Variants in FARP1 observed in about 807,000 individuals in gnomAD.
FARP1 encodes the protein FERM, ARH/RhoGEF and pleckstrin domain protein 1.
Under a neutral mutation model 128.8 loss-of-function variants are expected in FARP1, and 52 were observed. That is an observed-to-expected ratio of 0.40 (90% CI 0.32 to 0.51). FARP1 has a LOEUF of 0.51. FARP1 is among the 20% of genes least tolerant of loss of function. The probability of loss-of-function intolerance (pLI) is 0.45; values close to 1 mark genes in which losing one functional copy is unlikely to be tolerated. For missense variants in FARP1, 1,333 were observed against 1,367.9 expected (o/e 0.97, Z 0.40); for synonymous variants, 580 against 551.8 (o/e 1.05, Z -0.72).
In FARP1 at chr13:98,437,829, C is replaced by T. The variant is rs1182360692; in HGVS notation, c.2275-975C>T. The T allele has an allele frequency of 1.3e-5, 20 of 1,597,516 alleles. No homozygotes were observed. The East Asian group carries it at 4.2e-4, about 34-fold the overall frequency. ...ACAAGCCAGGCGCATCCCATGTGCT[C>T]CAGAGAGGAGGCCATTGTTATTAGT... On this transcript the variant is annotated intron_variant, in intron 19 of 26. Coordinates refer to ENST00000319562, the MANE Select transcript of FARP1 (RefSeq NM_005766.4).
chr13:98,318,407 C>T (rs1031549516), intron 2 of FARP1, among the ~76,000 whole-genome samples: 3 of 152,300 alleles, frequency 2.0e-5, no homozygotes, highest in East Asian at 1.9e-4. Context: ...GGCATCGTTA[C>T]GACCTCATTT....
chr13:98,366,276 C>G (rs150971334), intron 4 of FARP1, among the ~76,000 whole-genome samples: 3 of 152,188 alleles, frequency 2.0e-5, no homozygotes, highest in African/African-American at 7.2e-5. Context: ...GTAATAAACA[C>G]GCAGCACAAT....
At chr13:98,210,642 C>T (rs187378941) in intron 1 of FARP1, among the ~76,000 whole-genome samples, 1,531 of 152,078 alleles carry the variant, frequency 0.01, 24 homozygotes, top group African/African-American at 0.034. Context: ...CTCCGCCTTC[C>T]GGGTTCACGC....
intron 1 of FARP1, among the ~76,000 whole-genome samples, chr13:98,182,951 T>C (rs761039460): frequency 1.1e-4 from 17 of 152,256 alleles, no homozygotes; most frequent in Non-Finnish European, 2.2e-4. Flanking sequence ...TGCTTGGGCA[T>C]TGGCTGTTTT....
At chr13:98,253,853 A>AATTTC (rs1184911878) in intron 2 of FARP1, among the ~76,000 whole-genome samples, 1 of 152,148 alleles carries the variant, frequency 6.6e-6, no homozygotes, top group Non-Finnish European at 1.5e-5. Context: ...GTGGAGGCAG[A>AATTTC]ATTTCTGGGT....
At chr13:98,268,888 TA>T (rs902797841) in intron 2 of FARP1, among the ~76,000 whole-genome samples, 2 of 151,966 alleles carry the variant, frequency 1.3e-5, no homozygotes, top group Non-Finnish European at 2.9e-5. Context: ...TATTTATTTT[TA>T]TTTTTTTATT....
chr13:98,197,510 T>C (rs1431840627), intron 1 of FARP1, among the ~76,000 whole-genome samples: 1 of 152,152 alleles, frequency 6.6e-6, no homozygotes, highest in Non-Finnish European at 1.5e-5. Context: ...TAGATGTCTG[T>C]GGATGATAAC....
chr13:98,170,412 AATGGCGCG>A (rs1212099385), intron 1 of FARP1, among the ~76,000 whole-genome samples: 1 of 152,098 alleles, frequency 6.6e-6, no homozygotes, highest in African/African-American at 2.4e-5. Flanking sequence ...GCTGGAGTGC[AATGGCGCG>A]ATCTCGGCTC....
At chr13:98,179,744 C>G (rs1878367646) in intron 1 of FARP1, among the ~76,000 whole-genome samples, 1 of 152,022 alleles carries the variant, frequency 6.6e-6, no homozygotes, top group Non-Finnish European at 1.5e-5. Flanking sequence ...GTAGCCCCAG[C>G]TACTCGGAAG....
intron 3 of FARP1, among the ~76,000 whole-genome samples, chr13:98,360,773 A>T (rs675471): frequency 6.6e-6 from 1 of 152,176 alleles, no homozygotes; most frequent in African/African-American, 2.4e-5. Context: ...CTAGAGGTCC[A>T]TTCATTTCAG....
chr13:98,204,916 C>G (rs918411809), intron 1 of FARP1, among the ~76,000 whole-genome samples: 3 of 151,706 alleles, frequency 2.0e-5, no homozygotes, highest in Non-Finnish European at 2.9e-5. Flanking sequence ...CCACTGCTCT[C>G]TAGCCCAGGT....
chr13:98,427,221 C>T lies in FARP1; in HGVS notation c.1905+2571C>T, dbSNP rs541345318. Among the ~76,000 whole-genome samples the T allele has an allele frequency of 2.0e-5, 3 of 152,278 alleles. No individual in the cohort carries two copies. In the South Asian group the frequency reaches 6.2e-4, roughly 32 times the overall value. ...TCCCTGGCAACCACTGACCTTTTCC[C>T]ATCTCCATAGTTTTATCTTTCCAGA... On this transcript the variant is annotated intron_variant, in intron 17 of 26. Transcript: ENST00000319562.
Position 98,453,114 on chromosome 13 carries a change from A to G in FARP1, c.*4797A>G. 1.3e-6 allele frequency: 2 copies of G among 1,599,282 alleles called. No individual in the cohort carries two copies. Among genetic ancestry groups the G allele is most frequent in the East Asian group, 4.5e-5 (2 of 44,804 alleles). ...GCGAAGGCTCTCGTTGACTTTTAAA[A>G]AAGGAGGAGGATGAAGAAGGAAAAA... is the stretch of plus-strand genomic sequence containing the variant. On this transcript the variant is annotated 3_prime_UTR_variant, in exon 27 of 27. Transcript: ENST00000319562.
In FARP1 at chr13:98,450,366, G is replaced by A. The variant is rs1893129445; in HGVS notation, c.*2049G>A. 1.3e-5 allele frequency: 2 copies of A among 152,210 alleles called. No homozygotes were observed. The highest frequency in any genetic ancestry group is 4.1e-4 in the South Asian group (2 of 4,834). The allele number at this position is 152,210 out of a possible 1,614,324, so 9.4% of individuals were successfully genotyped here. A position where few individuals can be genotyped will look rare whatever the true frequency, so the allele number is the denominator to read the frequency against. On this transcript the variant is annotated 3_prime_UTR_variant, in exon 27 of 27. Transcript: ENST00000319562. ...AATGTTTATAAACTGACAGTGTTTTGCCAGAGGAAAGGTACAAAATGCTAC... is the reference window on the plus strand; with the variant it reads ...AATGTTTATAAACTGACAGTGTTTTACCAGAGGAAAGGTACAAAATGCTAC...
At position 98,386,798 on chromosome 13, in the gene FARP1, TTATCTTTTATCA is replaced by T. The variant is rs541728059; in HGVS notation, c.759+985_759+996del. ...TTCCAGGTTTGCTTATATTTCCCCC[TTATCTTTTATCA>T]AAAGAGTTCCAGTGATTCTCTATTC... On this transcript the variant is annotated intron_variant, in intron 8 of 26. Coordinates refer to ENST00000319562, the MANE Select transcript of FARP1 (RefSeq NM_005766.4). Among the ~76,000 whole-genome samples, 39 of 152,302 alleles carry T rather than the reference TTATCTTTTATCA, an allele frequency of 2.6e-4. No homozygotes were observed. The East Asian group carries it at 6.9e-3, about 27-fold the overall frequency.
At chr13:98,227,817 G>A (rs1389028785) in intron 2 of FARP1, among the ~76,000 whole-genome samples, 1 of 152,214 alleles carries the variant, frequency 6.6e-6, no homozygotes, top group Non-Finnish European at 1.5e-5. Context: ...CCTGCCATAT[G>A]CCACAACATA....
chr13:98,355,132 G>C (rs1388103752), intron 3 of FARP1, among the ~76,000 whole-genome samples: 1 of 152,086 alleles, frequency 6.6e-6, no homozygotes, highest in African/African-American at 2.4e-5. Context: ...TGGATCACTT[G>C]AGCTCAGGAG....
chr13:98,312,467 G>A (rs1307834002), intron 2 of FARP1, among the ~76,000 whole-genome samples: 1 of 152,168 alleles, frequency 6.6e-6, no homozygotes, highest in African/African-American at 2.4e-5. Context: ...GGTGGTCATA[G>A]CTCAGTTTGC....
At chr13:98,400,193 AACTAAAACATAGC>A (rs1240580763) in intron 13 of FARP1, 1 of 152,238 alleles carries the variant, frequency 6.6e-6, no homozygotes, top group Non-Finnish European at 1.5e-5. Flanking sequence ...AGGCCTGCAA[AACTAAAACATAGC>A]ACGAGCCTCT....
Sources: gnomAD v4.1 joint callset for allele counts (sites outside exome capture counted in the v4.1 genomes callset) on GRCh38, gnomAD v4.1.1 for gene constraint, MANE v1.5 for transcripts, NCBI Gene and HGNC (gene_info 2026-07-23, HGNC 2026-07-21) for gene names.